Variants in PAPPA observed in about 807,000 individuals in gnomAD.
PAPPA encodes the protein pappalysin-1.
A neutral mutation model predicts 164.0 loss-of-function variants in PAPPA; 60 were observed. The observed-to-expected ratio is 0.37, with a 90% CI of 0.30 to 0.45. PAPPA has a LOEUF of 0.45. PAPPA is among the 20% of genes least tolerant of loss of function. The pLI, the probability that PAPPA is intolerant of heterozygous loss-of-function variation, is 1.00. For synonymous variants in PAPPA, 875 were observed against 814.1 expected (o/e 1.07, Z -1.27); for missense variants, 1,782 against 2,087.3 (o/e 0.85, Z 2.85).
intron 10 of PAPPA, among the ~76,000 whole-genome samples, chr9:116,322,511 G>A (rs1355568099): frequency 6.6e-6 from 1 of 151,998 alleles, no homozygotes; most frequent in African/African-American, 2.4e-5. Flanking sequence ...GCAAAGCCTG[G>A]TTTATGGAGG....
intron 21 of PAPPA, among the ~76,000 whole-genome samples, chr9:116,387,680 C>T (rs764942243): frequency 3.3e-5 from 5 of 152,116 alleles, no homozygotes; most frequent in Non-Finnish European, 5.9e-5. Flanking sequence ...CGGCCCTAGG[C>T]GTTATCTTTT....
rs1847031398 is a variant in PAPPA at position 116,400,287 on chromosome 9, A to G, written c.*3671A>G. ...ACAGCCTCAGTAGGTAGACACAAAC[A>G]TAAAGATTTCCCTAGAAGACATAGA... is the stretch of plus-strand genomic sequence containing the variant. On this transcript the variant is annotated 3_prime_UTR_variant, in exon 22 of 22. Transcript: ENST00000328252. 2 of 152,242 alleles carry G rather than the reference A, an allele frequency of 1.3e-5. No homozygotes were observed. Among genetic ancestry groups the G allele is most frequent in the African/African-American group, 2.4e-5 (1 of 41,456 alleles). 9.4% of individuals were successfully genotyped at this position (152,242 alleles called of 1,614,324 possible).
intron 13 of PAPPA, among the ~76,000 whole-genome samples, chr9:116,336,661 T>C (rs1846065931): frequency 6.6e-6 from 1 of 152,248 alleles, no homozygotes; most frequent in African/African-American, 2.4e-5. Flanking sequence ...ATTTAACCAC[T>C]GAAACATATC....
At chr9:116,326,026 A>G (rs2118937195) in intron 10 of PAPPA, among the ~76,000 whole-genome samples, 1 of 152,300 alleles carries the variant, frequency 6.6e-6, no homozygotes, top group South Asian at 2.1e-4. Context: ...ACTTAGAAGA[A>G]ACAGTAGGAG....
chr9:116,174,977 T>C (rs1459430990), intron 1 of PAPPA, among the ~76,000 whole-genome samples: 1 of 152,174 alleles, frequency 6.6e-6, no homozygotes, highest in Non-Finnish European at 1.5e-5. Context: ...TGGTAGAATT[T>C]ATTTTACCAC....
In PAPPA at chr9:116,301,713, A is replaced by G. The variant is rs574070476; in HGVS notation, c.2954-1044A>G. Among the ~76,000 whole-genome samples the G allele has an allele frequency of 3.3e-4, 50 of 152,324 alleles. 1 individual carries two copies. In the South Asian group the frequency reaches 9.5e-3, roughly 29 times the overall value. ...AACAGAAGCACTTGCTGTGGTCTAG[A>G]TGACATGGGAGCTTGAGAATTCACT... On this transcript the variant is annotated intron_variant, in intron 9 of 21. Transcript: ENST00000328252.
At chr9:116,374,413 TCTC>T (rs1317940446) in intron 19 of PAPPA, among the ~76,000 whole-genome samples, 6 of 152,072 alleles carry the variant, frequency 3.9e-5, no homozygotes, top group Non-Finnish European at 4.4e-5. Flanking sequence ...TCTCCCAACT[TCTC>T]CTGTAAACAG....
At chr9:116,226,927 A>G (rs1844517563) in intron 5 of PAPPA, among the ~76,000 whole-genome samples, 1 of 152,228 alleles carries the variant, frequency 6.6e-6, no homozygotes, top group African/African-American at 2.4e-5. Context: ...ATGGTTCTTT[A>G]GGCATCATTT....
chr9:116,352,972 C>A, intron 16 of PAPPA, 56 bp downstream of exon 16: 1 of 1,299,074 alleles, frequency 7.7e-7, no homozygotes, highest in Non-Finnish European at 1.1e-6. Context: ...GAGTTAGGTT[C>A]AAATGCCTGA....
intron 10 of PAPPA, among the ~76,000 whole-genome samples, chr9:116,318,900 G>T (rs538191355): frequency 6.6e-6 from 1 of 152,316 alleles, no homozygotes; most frequent in East Asian, 1.9e-4. Context: ...AGCAGGGCCT[G>T]CCCTGGGCTG....
chr9:116,156,560 T>A (rs1017206375), intron 1 of PAPPA, among the ~76,000 whole-genome samples: 3 of 151,800 alleles, frequency 2.0e-5, no homozygotes, highest in Non-Finnish European at 4.4e-5. Flanking sequence ...TGTGTAGAAA[T>A]AACATTCCTC....
chr9:116,244,328 T>C (rs1250969292), intron 7 of PAPPA, among the ~76,000 whole-genome samples: 3 of 152,216 alleles, frequency 2.0e-5, no homozygotes, highest in Non-Finnish European at 4.4e-5. Context: ...GGTTCTCTTC[T>C]ACAGATGGGC....
At chr9:116,282,417 T>C (rs2118845627) in intron 9 of PAPPA, among the ~76,000 whole-genome samples, 1 of 152,308 alleles carries the variant, frequency 6.6e-6, no homozygotes, top group South Asian at 2.1e-4. Context: ...CTGCATATAT[T>C]TCCACCCTTT....
At chr9:116,275,694 C>T (rs936970405) in intron 9 of PAPPA, among the ~76,000 whole-genome samples, 1 of 152,108 alleles carries the variant, frequency 6.6e-6, no homozygotes, top group Middle Eastern at 3.4e-3. Flanking sequence ...TCATATTCTT[C>T]TCCTTTTTCT....
chr9:116,242,169 C>T (rs1008035817), intron 7 of PAPPA, among the ~76,000 whole-genome samples: 6 of 151,602 alleles, frequency 4.0e-5, no homozygotes, highest in South Asian at 2.1e-4. Context: ...GTGAGGAGCA[C>T]GGGGGGCAGG....
intron 9 of PAPPA, among the ~76,000 whole-genome samples, chr9:116,300,567 C>T (rs913478273): frequency 2.6e-4 from 39 of 152,224 alleles, no homozygotes; most frequent in African/African-American, 8.4e-4. Flanking sequence ...GCCACTGTGC[C>T]CGGCCCTATT....
At chr9:116,289,791 C>T (rs1020113726) in intron 9 of PAPPA, among the ~76,000 whole-genome samples, 1 of 152,152 alleles carries the variant, frequency 6.6e-6, no homozygotes, top group Non-Finnish European at 1.5e-5. Flanking sequence ...CAAGGAGTTG[C>T]CATTCTGTTT....
Position 116,235,420 on chromosome 9 carries a change from C to T in PAPPA, c.2515C>T (p.Leu839=). The change falls in exon 7 of 22, where the codon CTG becomes TTG. Residue 839 remains leucine, a synonymous_variant. Transcript: ENST00000328252. ...GPQNVFCDVP[L]TIRLWDVGEE... is the part of the protein sequence containing the mutation. ...TCAGAATGTCTTCTGTGATGTCCCA[C>T]TGACCATCAGACTCTGGGACGTGGG... 6.2e-7 allele frequency: 1 copy of T among 1,613,818 alleles called. No individual in the cohort carries two copies. Among genetic ancestry groups the T allele is most frequent in the Non-Finnish European group, 8.5e-7 (1 of 1,179,888 alleles).
Position 116,340,496 on chromosome 9 carries a change from A to G in PAPPA, c.3612-4047A>G, listed in dbSNP as rs550900810. Among the ~76,000 whole-genome samples the G allele has an allele frequency of 4.4e-4, 67 of 152,374 alleles. 5 individuals are homozygous for G. The South Asian group carries it at 0.013, about 30-fold the overall frequency. On this transcript the variant is annotated intron_variant, in intron 13 of 21. Transcript: ENST00000328252. ...TTTCCTGTTCTTGAAAATGGGACTA[A>G]TATCACTACCTCAAGGAGTTGCTGT...
Sources: allele counts gnomAD v4.1 joint callset (sites outside exome capture counted in the v4.1 genomes callset), GRCh38; gene constraint gnomAD v4.1.1; transcripts MANE v1.5; gene names NCBI Gene and HGNC (gene_info 2026-07-23, HGNC 2026-07-21).